Variants in FNDC3B observed in about 807,000 individuals in gnomAD.
FNDC3B encodes the protein fibronectin type III domain-containing protein 3B.
A neutral mutation model predicts 151.5 loss-of-function variants in FNDC3B; 12 were observed. The ratio of observed to expected loss-of-function variants is 0.08; its 90% CI spans 0.05 to 0.13. FNDC3B has a LOEUF of 0.13. FNDC3B is among the 10% of genes least tolerant of loss of function. FNDC3B has a pLI of 1.00. For synonymous variants in FNDC3B, 528 were observed against 549.0 expected (o/e 0.96, Z 0.54); for missense variants, 1,214 against 1,505.3 (o/e 0.81, Z 3.20).
chr3:172,337,185 A>G (rs1194244659), intron 15 of FNDC3B, 145 bp from the exon 16 acceptor site: 1 of 513,854 alleles, frequency 1.9e-6, no homozygotes, highest in African/African-American at 2.0e-5. Flanking sequence ...TCAACAGAGG[A>G]GTTGGTGAAA....
intron 1 of FNDC3B, among the ~76,000 whole-genome samples, chr3:172,082,020 A>G (rs1295453801): frequency 1.3e-5 from 2 of 152,208 alleles, no homozygotes; most frequent in Admixed American, 1.3e-4. Flanking sequence ...TGACACTTTG[A>G]TAATACTTAA....
At chr3:172,303,137 T>G (rs1731016767) in intron 9 of FNDC3B, 1 of 152,162 alleles carries the variant, frequency 6.6e-6, no homozygotes, top group Admixed American at 6.5e-5. Context: ...CAGAGAAGTA[T>G]ATTTGTCTTT....
In FNDC3B at chr3:172,040,121, C is replaced by T. The variant is rs915254275; in HGVS notation, c.-29+350C>T. The stretch of plus-strand genomic sequence containing the variant: ...CTCGCGGCCTCCCCCCACCCCCAGC[C>T]TTCCCAGCAGATTTTGTCCGAGGAA... On this transcript the variant is annotated intron_variant, in intron 1 of 25. Transcript: ENST00000415807. This position sits in a 1 kb window ranked among gnomAD's most constrained non-coding sequence, Gnocchi z 6.6. Among the ~76,000 whole-genome samples the T allele has an allele frequency of 6.6e-6, 1 of 152,180 alleles. No individual in the cohort carries two copies. The highest frequency in any genetic ancestry group is 6.5e-5 in the Admixed American group (1 of 15,292).
Position 172,085,609 on chromosome 3 carries a change from C to T in FNDC3B, c.-28-26843C>T, listed in dbSNP as rs903382470. Among the ~76,000 whole-genome samples the T allele has an allele frequency of 2.0e-5, 3 of 152,278 alleles. 1 individual carries two copies. The highest frequency in any genetic ancestry group is 6.8e-3 in the Middle Eastern group (2 of 294). ...TCAACCACTTCACTCATCGACATTG[C>T]CTCCATGGCCCTTGTTAGGCAATTG... On this transcript the variant is annotated intron_variant, in intron 1 of 25. Transcript: ENST00000415807.
chr3:172,353,668 A>G (rs1733962678), intron 22 of FNDC3B, among the ~76,000 whole-genome samples: 1 of 152,220 alleles, frequency 6.6e-6, no homozygotes, highest in African/African-American at 2.4e-5. Flanking sequence ...AGCACCTCAG[A>G]GGATAGTTCT....
intron 3 of FNDC3B, among the ~76,000 whole-genome samples, chr3:172,180,237 G>A (rs1318473490): frequency 6.6e-6 from 1 of 152,164 alleles, no homozygotes; most frequent in East Asian, 1.9e-4. Flanking sequence ...TGTGGACTGT[G>A]GATCTCCTGA....
rs369136967 is a variant in FNDC3B at position 172,383,151 on chromosome 3, G to A, written c.3303+2058G>A. 5.3e-5 allele frequency among the ~76,000 whole-genome samples: 8 copies of A among 152,292 alleles called. No individual in the cohort carries two copies. In the South Asian group the frequency reaches 6.2e-4, roughly 12 times the overall value. On this transcript the variant is annotated intron_variant, in intron 25 of 25. Coordinates refer to ENST00000415807, the MANE Select transcript of FNDC3B (RefSeq NM_022763.4). ...GTGTCCTCTCTTATTTTCTTGAGCAGTGGTTTGTAGTTCTCCCTGAAGAGG... is the reference window on the plus strand; with the variant it reads ...GTGTCCTCTCTTATTTTCTTGAGCAATGGTTTGTAGTTCTCCCTGAAGAGG...
chr3:172,285,460 CAT>C, intron 6 of FNDC3B, among the ~76,000 whole-genome samples: 1 of 152,314 alleles, frequency 6.6e-6, no homozygotes, highest in East Asian at 1.9e-4. Flanking sequence ...CGAACGTAAA[CAT>C]GTGAACTTAA....
chr3:172,122,556 A>T (rs989946179), intron 2 of FNDC3B, among the ~76,000 whole-genome samples: 2 of 152,208 alleles, frequency 1.3e-5, no homozygotes, highest in Non-Finnish European at 2.9e-5. Context: ...TAATGCCTAC[A>T]TTGGTATTTC....
rs779184718 is a variant in FNDC3B, at chr3:172,342,996, G to C, written c.1972-15G>C. On this transcript the variant is annotated splice_polypyrimidine_tract_variant and intron_variant, in intron 17 of 25. Coordinates refer to ENST00000415807, the MANE Select transcript of FNDC3B (RefSeq NM_022763.4). ...AGTAACTAAGAGATGGTTCTCTCTG[G>C]TGTTTCTCCTGCAGTGTTCTGAAAG... 5.3e-6 allele frequency: 8 copies of C among 1,495,876 alleles called. 1 individual carries two copies. In the South Asian group the frequency reaches 5.6e-5, roughly 11 times the overall value. The allele number at this position is 1,495,876 out of a possible 1,614,324, so 92.7% of individuals were successfully genotyped here.
chr3:172,165,506 A>G (rs567221577), intron 3 of FNDC3B, among the ~76,000 whole-genome samples: 8 of 152,192 alleles, frequency 5.3e-5, no homozygotes, highest in South Asian at 2.1e-4. Context: ...GTGATTGAAT[A>G]TGTTTTATAC....
At position 172,196,402 on chromosome 3, in the gene FNDC3B, G is replaced by C. The variant is rs143937393; in HGVS notation, c.188-30469G>C. ...GGGTCTTGCTCTGTTGCCTAGGCTG[G>C]TCTCAAACTCTTGGCCTGAAGGATC... On this transcript the variant is annotated intron_variant, in intron 3 of 25. Coordinates refer to ENST00000415807, the MANE Select transcript of FNDC3B (RefSeq NM_022763.4). Among the ~76,000 whole-genome samples the C allele has an allele frequency of 7.2e-4, 110 of 152,056 alleles. 1 individual carries two copies. The highest frequency in any genetic ancestry group is 1.3e-3 in the Non-Finnish European group (90 of 67,964).
chr3:172,106,352 G>A lies in FNDC3B; in HGVS notation c.-28-6100G>A, dbSNP rs142825367. Among the ~76,000 whole-genome samples, 330 of 152,284 alleles carry A rather than the reference G, an allele frequency of 2.2e-3. 2 individuals are homozygous for A. Among genetic ancestry groups the A allele is most frequent in the Middle Eastern group, 3.4e-3 (1 of 294 alleles). Reference sequence around the variant, plus strand: ...CCAGGATAGTCAAAGTTAGTGGGAGGTCTCATTAGGGTGCTGGTGAAGTGG... The same window carrying A: ...CCAGGATAGTCAAAGTTAGTGGGAGATCTCATTAGGGTGCTGGTGAAGTGG... On this transcript the variant is annotated intron_variant, in intron 1 of 25. Coordinates refer to ENST00000415807, the MANE Select transcript of FNDC3B (RefSeq NM_022763.4).
chr3:172,110,494 C>A (rs1365223930), intron 1 of FNDC3B, among the ~76,000 whole-genome samples: 1 of 151,944 alleles, frequency 6.6e-6, no homozygotes, highest in Admixed American at 6.6e-5. Flanking sequence ...ATAGAAGGAC[C>A]TATGGAGGCT....
intron 4 of FNDC3B, among the ~76,000 whole-genome samples, chr3:172,228,856 CTT>C (rs879227923): frequency 6.6e-6 from 1 of 152,206 alleles, no homozygotes; most frequent in Admixed American, 6.5e-5. Context: ...AGTATTATGT[CTT>C]TTATGACACG....
Position 172,046,113 on chromosome 3 carries a change from C to G in FNDC3B, c.-29+6342C>G, listed in dbSNP as rs1386935784. On this transcript the variant is annotated intron_variant, in intron 1 of 25. Transcript: ENST00000415807. ...GGGACAGAAATGTTTTTAAAACCAC[C>G]AAGTATAAATCACATAAGATCGATA... 3.3e-5 allele frequency among the ~76,000 whole-genome samples: 5 copies of G among 152,158 alleles called. No homozygotes were observed. The East Asian group carries it at 9.7e-4, about 29-fold the overall frequency.
chr3:172,145,909 G>C (rs1390349750), intron 3 of FNDC3B, among the ~76,000 whole-genome samples: 3 of 150,886 alleles, frequency 2.0e-5, no homozygotes, highest in African/African-American at 7.3e-5. Flanking sequence ...CGCCACCCGG[G>C]TTTAAGCGAT....
chr3:172,043,562 T>G (rs1716202443), intron 1 of FNDC3B, among the ~76,000 whole-genome samples: 1 of 152,172 alleles, frequency 6.6e-6, no homozygotes, highest in Non-Finnish European at 1.5e-5. Context: ...CACTAGGTTG[T>G]CCAGGCTGCA....
rs74375422 is a variant in FNDC3B, at chr3:172,140,658, A to T, written c.187+7112A>T. 8.0e-3 allele frequency among the ~76,000 whole-genome samples: 1,214 copies of T among 152,328 alleles called. 7 individuals are homozygous for T. Among genetic ancestry groups the T allele is most frequent in the Non-Finnish European group, 0.014 (966 of 68,020 alleles). On this transcript the variant is annotated intron_variant, in intron 3 of 25. Transcript: ENST00000415807. ...GCAGAAAGTCCAGGTTATGGAAGGA[A>T]TGAGAGCAAAGGCTGTGATTGTACG...
Sources: allele counts gnomAD v4.1 joint callset (sites outside exome capture counted in the v4.1 genomes callset), GRCh38; gene constraint gnomAD v4.1.1; non-coding constraint Gnocchi (gnomAD v3.1); transcripts MANE v1.5; gene names NCBI Gene and HGNC (gene_info 2026-07-23, HGNC 2026-07-21).